NF1: variants seen among roughly 807,000 people sequenced by gnomAD.
The protein encoded by NF1 is neurofibromin.
In NF1, 122 loss-of-function variants were observed where a neutral mutation model predicts 325.7. That is an observed-to-expected ratio of 0.37 (90% CI 0.32 to 0.44). The LOEUF (loss-of-function observed/expected upper bound fraction) is 0.44, where lower values mean the gene tolerates loss of function less well. Among genes scored for constraint, NF1 ranks in the 20% least tolerant of loss-of-function variants. NF1 has a pLI of 1.00. For synonymous variants in NF1, 1,091 were observed against 1,186.0 expected, an observed-to-expected ratio of 0.92 and a Z score of 1.65; for missense variants, 2,140 against 3,415.4, an observed-to-expected ratio of 0.63 and a Z score of 9.31.
intron 36 of NF1, among the ~76,000 whole-genome samples, chr17:31,285,442 GTGT>G (rs1287788872): frequency 6.6e-6 from 1 of 152,146 alleles, no homozygotes; most frequent in African/African-American, 2.4e-5. Context: ...TTTTTTGGAA[GTGT>G]TGTCAAAGTC....
chr17:31,269,415 T>C (rs1304649043), intron 36 of NF1, among the ~76,000 whole-genome samples: 1 of 152,130 alleles, frequency 6.6e-6, no homozygotes, highest in Admixed American at 6.5e-5. Context: ...AGGAAAACAA[T>C]AGAGTTGTGT....
At chr17:31,338,837 T>A in intron 46 of NF1, 32 bp downstream of exon 46, 1 of 1,347,690 alleles carries the variant, frequency 7.4e-7, no homozygotes, top group South Asian at 1.2e-5. Flanking sequence ...AGTGCATTCA[T>A]TTTGGGTATC....
At chr17:31,214,336 G>A (rs1044633766) in intron 12 of NF1, 115 bp from the exon 13 acceptor site, 14 of 718,148 alleles carry the variant, frequency 1.9e-5, no homozygotes, top group Non-Finnish European at 2.8e-5. Flanking sequence ...CACACATTTG[G>A]TAGTATAAAA....
intron 12 of NF1, 91 bp downstream of exon 12, chr17:31,206,462 A>G: frequency 6.7e-7 from 1 of 1,495,742 alleles, no homozygotes; most frequent in Non-Finnish European, 9.3e-7. Flanking sequence ...TGGTTATTTT[A>G]GAGAATTGAA....
At chr17:31,130,407 CAG>C (rs1915268743) in intron 1 of NF1, among the ~76,000 whole-genome samples, 1 of 152,212 alleles carries the variant, frequency 6.6e-6, no homozygotes, top group Admixed American at 6.5e-5. Flanking sequence ...AGCAAGGCCA[CAG>C]GGTGCTGGCC....
intron 5 of NF1, among the ~76,000 whole-genome samples, chr17:31,174,695 A>G (rs2065987914): frequency 1.3e-5 from 2 of 152,230 alleles, no homozygotes; most frequent in South Asian, 4.1e-4. Context: ...AACCTTAGAC[A>G]CACAGTTTGT....
At chr17:31,248,220 C>CCA (rs2067432337) in intron 29 of NF1, among the ~76,000 whole-genome samples, 128 of 126,026 alleles carry the variant, frequency 1.0e-3, no homozygotes, top group African/African-American at 1.5e-3. Context: ...CACCCCCCAC[C>CCA]AAAAAAAAAA....
intron 1 of NF1, among the ~76,000 whole-genome samples, chr17:31,103,729 G>T (rs568813670): frequency 6.6e-6 from 1 of 152,014 alleles, no homozygotes; most frequent in Non-Finnish European, 1.5e-5. Flanking sequence ...AAGCTTTTTG[G>T]GGGGCTGAGG....
At chr17:31,248,449 A>G (rs1011679319) in intron 29 of NF1, among the ~76,000 whole-genome samples, 3 of 152,170 alleles carry the variant, frequency 2.0e-5, no homozygotes, top group African/African-American at 4.8e-5. Context: ...GAGTATTTCC[A>G]CACAAATTAA....
chr17:31,303,947 A>T, intron 36 of NF1: 1 of 183,042 alleles, frequency 5.5e-6, no homozygotes, highest in Non-Finnish European at 1.1e-5. Context: ...ACAGCTTTTC[A>T]GGGGAAAAAA....
intron 1 of NF1, among the ~76,000 whole-genome samples, chr17:31,128,295 T>A (rs1047829993): frequency 2.0e-5 from 3 of 152,092 alleles, no homozygotes; most frequent in African/African-American, 7.2e-5. Context: ...TCAGTGCCTT[T>A]TAACTGGGGC....
At chr17:31,321,047 T>G (rs2069174914) in intron 36 of NF1, 1 of 152,204 alleles carries the variant, frequency 6.6e-6, no homozygotes, top group Admixed American at 6.5e-5. Context: ...AAATGAGACT[T>G]TCTCTTGCCC....
chr17:31,148,325 A>G (rs1464911800), intron 1 of NF1, among the ~76,000 whole-genome samples: 1 of 148,752 alleles, frequency 6.7e-6, no homozygotes, highest in Non-Finnish European at 1.5e-5. Flanking sequence ...ATTCCTAACC[A>G]TTTTTGGCTT....
intron 1 of NF1, chr17:31,128,332 G>C (rs1019832077): frequency 3.9e-5 from 6 of 152,098 alleles, no homozygotes; most frequent in African/African-American, 1.4e-4. Flanking sequence ...TTCAAGGTTA[G>C]TATTGATATG....
At chr17:31,307,083 C>T (rs1448579240) in intron 36 of NF1, among the ~76,000 whole-genome samples, 2 of 151,852 alleles carry the variant, frequency 1.3e-5, no homozygotes. Flanking sequence ...AGTGTAGTGG[C>T]ACAATCTGGG....
At chr17:31,364,351 T>C (rs2070468218) in intron 57 of NF1, among the ~76,000 whole-genome samples, 1 of 152,252 alleles carries the variant, frequency 6.6e-6, no homozygotes, top group Admixed American at 6.5e-5. Context: ...GTTGCTGATC[T>C]GCACGCATTC....
intron 51 of NF1, 107 bp downstream of exon 51, chr17:31,352,521 C>A: frequency 8.8e-7 from 1 of 1,133,856 alleles, no homozygotes; most frequent in Non-Finnish European, 1.2e-6. Context: ...TTTTCCATGT[C>A]AGTGTAGCAA....
At chr17:31,243,403 G>C (rs1380214229) in intron 29 of NF1, among the ~76,000 whole-genome samples, 2 of 151,702 alleles carry the variant, frequency 1.3e-5, no homozygotes, top group African/African-American at 2.4e-5. Flanking sequence ...CGTTCAGGCA[G>C]TGAGTTCTCC....
In NF1 at chr17:31,095,190, T is replaced by C. The variant is rs1458190939; in HGVS notation, c.-120T>C. On this transcript the variant is annotated 5_prime_UTR_variant, in exon 1 of 58. Transcript: ENST00000358273. Reference sequence around the variant, plus strand: ...CACCCCCGTGGGAACACTGGGAGCCTGCACTCCACAGACCCTCTCCTTGCC... The same window carrying C: ...CACCCCCGTGGGAACACTGGGAGCCCGCACTCCACAGACCCTCTCCTTGCC... 1.2e-6 allele frequency: 1 copy of C among 823,694 alleles called. No individual in the cohort carries two copies. The highest frequency in any genetic ancestry group is 2.1e-5 in the Admixed American group (1 of 48,448). The allele number at this position is 823,694 out of a possible 1,614,324, so 51.0% of individuals were successfully genotyped here.
Sources: allele counts gnomAD v4.1 joint callset (sites outside exome capture counted in the v4.1 genomes callset), GRCh38; gene constraint gnomAD v4.1.1; transcripts MANE v1.5; gene names NCBI Gene and HGNC (gene_info 2026-07-23, HGNC 2026-07-21).